The following ATP6V1C2 variants were observed in gnomAD, a reference collection of about 807,000 sequenced individuals.
ATP6V1C2 encodes the protein ATPase H+ transporting V1 subunit C2.
ATP6V1C2 carries 45 observed loss-of-function variants against 56.8 expected under a neutral mutation model. The observed-to-expected ratio is 0.79, with a 90% CI of 0.62 to 1.02. The LOEUF (loss-of-function observed/expected upper bound fraction) is 1.02. Among genes scored for constraint, ATP6V1C2 ranks in the 50% least tolerant of loss-of-function variants. The pLI is 0.00. For missense variants in ATP6V1C2, 463 were observed against 519.7 expected (o/e 0.89, Z 1.06); for synonymous variants, 220 against 201.3 (o/e 1.09, Z -0.79).
At chr2:10,770,323 G>GGGA (rs1664512078) in intron 6 of ATP6V1C2, among the ~76,000 whole-genome samples, 1 of 152,110 alleles carries the variant, frequency 6.6e-6, no homozygotes, top group Non-Finnish European at 1.5e-5. Context: ...GCTTGAACCC[G>GGGA]GGAGGAGGAG....
chr2:10,758,278 T>C (rs1026941425), intron 4 of ATP6V1C2, among the ~76,000 whole-genome samples: 2 of 152,222 alleles, frequency 1.3e-5, no homozygotes, highest in Middle Eastern at 3.2e-3. Flanking sequence ...GCAAAATTAA[T>C]GTAACCTTAA....
chr2:10,777,564 A>C, intron 10 of ATP6V1C2, 21 bp from the exon 11 acceptor site: 1 of 1,601,274 alleles, frequency 6.2e-7, no homozygotes, highest in Non-Finnish European at 8.5e-7. Context: ...AAAGATTAAT[A>C]AATCATTTCT....
In ATP6V1C2 at chr2:10,764,484, T is replaced by G. The variant is rs148052024; in HGVS notation, c.378+59T>G. 2,395 of 1,455,818 alleles carry G rather than the reference T, an allele frequency of 1.6e-3. 21 individuals are homozygous for G. In the African/African-American group the frequency reaches 0.021, roughly 13 times the overall value. 90.2% of individuals were successfully genotyped at this position (1,455,818 alleles called of 1,614,324 possible). A position where few individuals can be genotyped will look rare whatever the true frequency, so the allele number is the denominator to read the frequency against. On this transcript the variant is annotated intron_variant, in intron 5 of 13. Transcript: ENST00000272238. ...CTGGTGGGTCAGGCGGGCAAGAGCCTGGGTAGGGCCCCCCTGCCAACAGCC... is the reference window on the plus strand; with the variant it reads ...CTGGTGGGTCAGGCGGGCAAGAGCCGGGGTAGGGCCCCCCTGCCAACAGCC...
At position 10,784,567 on chromosome 2, in the gene ATP6V1C2, G is replaced by A. The variant is rs58613453; in HGVS notation, c.*1304G>A. On this transcript the variant is annotated 3_prime_UTR_variant, in exon 14 of 14. Transcript: ENST00000272238. ...TTTTAACACTGGAAGCCACTTGAAC[G>A]TGTCCTTTTGAGGAGGGTGGGACAC... The A allele has an allele frequency of 0.11, 59,131 of 519,862 alleles. 4,656 individuals carry two copies. Among genetic ancestry groups the A allele is most frequent in the African/African-American group, 0.29 (15,169 of 52,206 alleles). 32.2% of individuals were successfully genotyped at this position (519,862 alleles called of 1,614,324 possible).
chr2:10,744,669 C>CAT (rs1553326822), intron 3 of ATP6V1C2, among the ~76,000 whole-genome samples: 1 of 125,566 alleles, frequency 8.0e-6, no homozygotes, highest in Non-Finnish European at 1.7e-5. Flanking sequence ...TTCTCTTTTT[C>CAT]TTTTTTTTTT....
At chr2:10,782,575 G>A (rs183719197) in intron 13 of ATP6V1C2, among the ~76,000 whole-genome samples, 200 bp downstream of exon 13, 7 of 152,088 alleles carry the variant, frequency 4.6e-5, no homozygotes, top group East Asian at 1.9e-4. Context: ...GCTCACGCCT[G>A]TAATCCCAGC....
Position 10,726,541 on chromosome 2 carries a change from T to C in ATP6V1C2, c.169T>C (p.Leu57=). ...LDSLVGLSDE[L]GKLDTFAESL... ...TTCCCTGGTTGGCCTCTCTGATGAG[T>C]TGGGGAAACTCGACACCTTTGCTGA... Residue 57 remains leucine (L), a synonymous_variant, in exon 3 of 14, where the codon TTG becomes CTG. Coordinates refer to ENST00000272238, the MANE Select transcript of ATP6V1C2 (RefSeq NM_001039362.2). The C allele has an allele frequency of 6.2e-7, 1 of 1,613,972 alleles. No homozygotes were observed. The highest frequency in any genetic ancestry group is 8.5e-7 in the Non-Finnish European group (1 of 1,179,872).
At chr2:10,775,963 C>T (rs1382498128) in intron 10 of ATP6V1C2, among the ~76,000 whole-genome samples, 2 of 152,154 alleles carry the variant, frequency 1.3e-5, no homozygotes, top group African/African-American at 2.4e-5. Flanking sequence ...TGAGGACTCC[C>T]ATGGGGAGGA....
rs114024055 is a variant in ATP6V1C2, at chr2:10,763,452, G to A, written c.284-879G>A. On this transcript the variant is annotated intron_variant, in intron 4 of 13. Transcript: ENST00000272238. The surrounding 1 kb of genome is among the most constrained non-coding windows in gnomAD (Gnocchi z 4.2). Reference sequence around the variant, plus strand: ...CCCTGTGGACCTTGGGCAGGGGGTGGTGTCTAGTGTGTGTCCCCAGCAGGG... The same window carrying A: ...CCCTGTGGACCTTGGGCAGGGGGTGATGTCTAGTGTGTGTCCCCAGCAGGG... Among the ~76,000 whole-genome samples, 799 of 152,236 alleles carry A rather than the reference G, an allele frequency of 5.2e-3. 6 individuals carry two copies. Among genetic ancestry groups the A allele is most frequent in the African/African-American group, 0.018 (765 of 41,538 alleles).
intron 5 of ATP6V1C2, among the ~76,000 whole-genome samples, chr2:10,766,245 C>T (rs1442431475): frequency 6.6e-6 from 1 of 152,164 alleles, no homozygotes; most frequent in Non-Finnish European, 1.5e-5. Flanking sequence ...GGTGTTGTCT[C>T]CCTCAGTCCT....
At chr2:10,753,590 G>C (rs1336903037) in intron 3 of ATP6V1C2, among the ~76,000 whole-genome samples, 1 of 150,552 alleles carries the variant, frequency 6.6e-6, no homozygotes, top group Non-Finnish European at 1.5e-5. Context: ...GGAGTGCAGT[G>C]GTGCAATCTC....
At chr2:10,772,143 C>G (rs1337716535) in intron 7 of ATP6V1C2, among the ~76,000 whole-genome samples, 1 of 152,152 alleles carries the variant, frequency 6.6e-6, no homozygotes, top group African/African-American at 2.4e-5. Context: ...ATAGAAGCAG[C>G]CATTTATTGA....
rs756200816 is a variant in ATP6V1C2, at chr2:10,785,033, T to G, written c.*1770T>G. ...AGCCACGCCCAAAAGAGAGCTCCCT[T>G]AGGGAAAAATGACCAAAACACACAC... is the stretch of plus-strand genomic sequence containing the variant. On this transcript the variant is annotated 3_prime_UTR_variant, in exon 14 of 14. Transcript: ENST00000272238. 1 of 1,564,422 alleles carries G rather than the reference T, an allele frequency of 6.4e-7. No homozygotes were observed.
At chr2:10,765,541 T>A (rs1412225386) in intron 5 of ATP6V1C2, among the ~76,000 whole-genome samples, 1 of 152,152 alleles carries the variant, frequency 6.6e-6, no homozygotes, top group Non-Finnish European at 1.5e-5. Context: ...CTCCTGCAGG[T>A]CTCCTGGAAA....
At chr2:10,730,370 C>T (rs975814707) in intron 3 of ATP6V1C2, among the ~76,000 whole-genome samples, 12 of 152,160 alleles carry the variant, frequency 7.9e-5, no homozygotes, top group African/African-American at 2.9e-4. Context: ...CCAGCTTCAG[C>T]CTCCCAAAGT....
rs2029427 is a variant in ATP6V1C2, at chr2:10,742,820, G to A, written c.198-11161G>A. 6.5e-3 allele frequency among the ~76,000 whole-genome samples: 995 copies of A among 152,282 alleles called. 16 individuals are homozygous for A. Among genetic ancestry groups the A allele is most frequent in the African/African-American group, 0.023 (976 of 41,546 alleles). On this transcript the variant is annotated intron_variant, in intron 3 of 13. Coordinates refer to ENST00000272238, the MANE Select transcript of ATP6V1C2 (RefSeq NM_001039362.2). ...TGGAAAGGAAGGAAAGGGCACGTTC[G>A]GTACAGACCTGCCACAGGCAGATTT... is the stretch of plus-strand genomic sequence containing the variant.
intron 2 of ATP6V1C2, among the ~76,000 whole-genome samples, chr2:10,725,880 G>C (rs945881809): frequency 1.3e-5 from 2 of 151,670 alleles, no homozygotes; most frequent in Non-Finnish European, 2.9e-5. Context: ...GGGAGTTCGA[G>C]ACCAGCCTGA....
intron 3 of ATP6V1C2, among the ~76,000 whole-genome samples, chr2:10,744,843 G>C (rs530865363): frequency 1.3e-5 from 2 of 150,546 alleles, no homozygotes; most frequent in Admixed American, 6.6e-5. Flanking sequence ...TGATTTTTTT[G>C]TATTTTTTGT....
At chr2:10,739,367 A>T (rs768896439) in intron 3 of ATP6V1C2, among the ~76,000 whole-genome samples, 5 of 152,120 alleles carry the variant, frequency 3.3e-5, no homozygotes, top group Non-Finnish European at 7.3e-5. Context: ...TGTGCCCTCG[A>T]TGTAAAATTC....
Sources: allele counts gnomAD v4.1 joint callset (sites outside exome capture counted in the v4.1 genomes callset), GRCh38; gene constraint gnomAD v4.1.1; non-coding constraint Gnocchi (gnomAD v3.1); transcripts MANE v1.5; gene names NCBI Gene and HGNC (gene_info 2026-07-23, HGNC 2026-07-21).